Variants in BLK observed in about 807,000 individuals in gnomAD.
The protein encoded by BLK is BLK proto-oncogene, Src family tyrosine kinase.
A neutral mutation model predicts 61.8 loss-of-function variants in BLK; 64 were observed. That is an observed-to-expected ratio of 1.03 (90% CI 0.85 to 1.27). The LOEUF is 1.27. BLK is among the 50% of genes most tolerant of loss of function. The pLI, the probability that BLK is intolerant of heterozygous loss-of-function variation, is 0.00. For missense variants in BLK, 853 were observed against 660.5 expected (o/e 1.29, Z -3.19); for synonymous variants, 351 against 272.0 (o/e 1.29, Z -2.86).
At chr8:11,500,351 G>A (rs944724384) in intron 1 of BLK, among the ~76,000 whole-genome samples, 35 of 151,618 alleles carry the variant, frequency 2.3e-4, no homozygotes, top group African/African-American at 7.0e-4. Flanking sequence ...GCACCACCAC[G>A]CCCTGCTAAT....
intron 6 of BLK, 108 bp from the exon 7 acceptor site, chr8:11,554,635 A>G: frequency 7.3e-7 from 1 of 1,363,022 alleles, no homozygotes; most frequent in Non-Finnish European, 1.0e-6. Context: ...GATAATGAAG[A>G]ACAGAATTGG....
At chr8:11,500,597 C>A (rs1260413760) in intron 1 of BLK, among the ~76,000 whole-genome samples, 1 of 151,720 alleles carries the variant, frequency 6.6e-6, no homozygotes, top group African/African-American at 2.4e-5. Context: ...CTCACTGCAG[C>A]CTCCACTTCC....
intron 1 of BLK, among the ~76,000 whole-genome samples, chr8:11,531,887 C>T (rs1352885977): frequency 6.6e-6 from 1 of 152,192 alleles, no homozygotes; most frequent in Non-Finnish European, 1.5e-5. Flanking sequence ...GAGACAGAGT[C>T]TCGCCCTGTT....
chr8:11,543,591 G>T (rs1384178615), intron 2 of BLK, among the ~76,000 whole-genome samples: 4 of 152,186 alleles, frequency 2.6e-5, no homozygotes, highest in Non-Finnish European at 1.5e-5. Context: ...ATGTAAAAAG[G>T]TCAGCTTGGG....
intron 1 of BLK, among the ~76,000 whole-genome samples, chr8:11,529,012 A>G (rs1426692583): frequency 6.6e-6 from 1 of 152,200 alleles, no homozygotes; most frequent in Non-Finnish European, 1.5e-5. Context: ...TACTTAGGTG[A>G]TGGGTTGATA....
intron 8 of BLK, 79 bp downstream of exon 8, chr8:11,555,563 A>G: frequency 6.3e-7 from 1 of 1,592,738 alleles, no homozygotes; most frequent in Non-Finnish European, 8.6e-7. Context: ...CAGCATTTTC[A>G]TAGCGTGTCA....
chr8:11,546,003 C>G (rs1800618477), intron 2 of BLK, 49 bp from the exon 3 acceptor site: 2 of 1,598,560 alleles, frequency 1.3e-6, no homozygotes, highest in Middle Eastern at 1.7e-4. Flanking sequence ...CCAGGCCCCA[C>G]CCACGCAGCA....
At chr8:11,546,017 A>G in intron 2 of BLK, 35 bp from the exon 3 acceptor site, 3 of 1,610,430 alleles carry the variant, frequency 1.9e-6, no homozygotes, top group Non-Finnish European at 2.5e-6. Flanking sequence ...CGCAGCAGGG[A>G]CTGAAATAAC....
intron 1 of BLK, among the ~76,000 whole-genome samples, chr8:11,506,387 A>T (rs2618464): frequency 0.026 from 3,888 of 152,256 alleles, 110 homozygotes; most frequent in African/African-American, 0.07. Context: ...GAATCCTTGT[A>T]ACTGTTGGCC....
At chr8:11,521,323 C>T (rs1302768868) in intron 1 of BLK, among the ~76,000 whole-genome samples, 1 of 152,192 alleles carries the variant, frequency 6.6e-6, no homozygotes, top group Non-Finnish European at 1.5e-5. Flanking sequence ...CAGAGCCTCA[C>T]TCTGTCACCA....
intron 1 of BLK, among the ~76,000 whole-genome samples, chr8:11,514,327 T>G (rs1202204929): frequency 6.6e-6 from 1 of 152,208 alleles, no homozygotes; most frequent in Non-Finnish European, 1.5e-5. Flanking sequence ...CCACTTGTCC[T>G]TTGCGAGAGA....
intron 1 of BLK, among the ~76,000 whole-genome samples, chr8:11,524,373 T>C (rs1371429421): frequency 6.6e-6 from 1 of 152,190 alleles, no homozygotes; most frequent in Non-Finnish European, 1.5e-5. Flanking sequence ...TTTGCGTAGA[T>C]GAGAATTTTC....
In BLK at chr8:11,543,228, G is replaced by A. The variant is rs1483005905; in HGVS notation, c.4G>A (p.Gly2Arg). MGLVSSKKPDKE... is the reference protein window; with the variant it reads MRLVSSKKPDKE... ...TCTGCTGTGTGTCTCCGACAGGATG[G>A]GGCTGGTAAGTAGCAAAAAGCCGGA... Residue 2 changes from glycine to arginine, a missense_variant, in exon 2 of 13, where the codon GGG becomes AGG. Gly to Arg is a moderately radical substitution (Grantham distance 125). Transcript: ENST00000259089. The A allele has an allele frequency of 1.9e-6, 3 of 1,613,790 alleles. No homozygotes were observed. Among genetic ancestry groups the A allele is most frequent in the Non-Finnish European group, 2.5e-6 (3 of 1,179,998 alleles).
At chr8:11,528,949 G>A (rs1022207689) in intron 1 of BLK, among the ~76,000 whole-genome samples, 1 of 152,098 alleles carries the variant, frequency 6.6e-6, no homozygotes, top group Non-Finnish European at 1.5e-5. Flanking sequence ...GGGGCCTATT[G>A]GGGAGCGGGA....
At chr8:11,537,149 G>C (rs1251803867) in intron 1 of BLK, among the ~76,000 whole-genome samples, 34 of 152,204 alleles carry the variant, frequency 2.2e-4, no homozygotes, top group Admixed American at 2.2e-3. Context: ...CCTGAGTTGA[G>C]ACATGAAACA....
At chr8:11,560,826 G>T (rs1332988199) in intron 10 of BLK, 4 of 457,874 alleles carry the variant, frequency 8.7e-6, no homozygotes, top group Non-Finnish European at 1.8e-5. Context: ...CAGGACTGTG[G>T]CCCCTCGGGG....
chr8:11,548,725 C>G (rs1432454095), intron 4 of BLK, among the ~76,000 whole-genome samples: 1 of 152,212 alleles, frequency 6.6e-6, no homozygotes, highest in East Asian at 1.9e-4. Flanking sequence ...TCAAGCCTGT[C>G]CCCAGTCCCT....
chr8:11,503,301 G>C (rs757338766), intron 1 of BLK, among the ~76,000 whole-genome samples: 2 of 152,212 alleles, frequency 1.3e-5, no homozygotes, highest in African/African-American at 4.8e-5. Flanking sequence ...CTGGTAGCCT[G>C]TCAGCTCCTG....
At chr8:11,532,601 G>A (rs985051049) in intron 1 of BLK, among the ~76,000 whole-genome samples, 6 of 151,806 alleles carry the variant, frequency 4.0e-5, no homozygotes, top group African/African-American at 1.2e-4. Flanking sequence ...TCTCTTCATT[G>A]TCTTATTGCT....
Sources: gnomAD v4.1 joint callset for allele counts (sites outside exome capture counted in the v4.1 genomes callset) on GRCh38, gnomAD v4.1.1 for gene constraint, MANE v1.5 for transcripts, NCBI Gene and HGNC (gene_info 2026-07-23, HGNC 2026-07-21) for gene names.